Variants in UBE2K observed in about 807,000 individuals in gnomAD.
UBE2K encodes ubiquitin conjugating enzyme E2 K, also known as ubiquitin-conjugating enzyme E2 K.
A neutral mutation model predicts 30.0 loss-of-function variants in UBE2K; 6 were observed. That is an observed-to-expected ratio of 0.20 (90% CI 0.11 to 0.39). The LOEUF (loss-of-function observed/expected upper bound fraction) is 0.39. Among genes scored for constraint, UBE2K ranks in the 10% least tolerant of loss-of-function variants. The pLI is 1.00. For missense variants in UBE2K, 61 were observed against 241.6 expected (o/e 0.25, Z 4.96); for synonymous variants, 86 against 83.7 (o/e 1.03, Z -0.15).
intron 4 of UBE2K, among the ~76,000 whole-genome samples, chr4:39,773,494 A>C (rs571582109): frequency 6.6e-6 from 1 of 151,810 alleles, no homozygotes; most frequent in Non-Finnish European, 1.5e-5. Context: ...AGAAAAAAGA[A>C]AATATATTTG....
At chr4:39,772,597 C>T (rs976562389) in intron 4 of UBE2K, among the ~76,000 whole-genome samples, 1 of 151,572 alleles carries the variant, frequency 6.6e-6, no homozygotes, top group African/African-American at 2.4e-5. Flanking sequence ...GAAGAATGAT[C>T]TAATTTACAT....
intron 3 of UBE2K, among the ~76,000 whole-genome samples, chr4:39,754,013 C>T (rs931219258): frequency 2.0e-5 from 3 of 151,990 alleles, no homozygotes; most frequent in South Asian, 2.1e-4. Flanking sequence ...TGAGCGACAG[C>T]GCGAGACTCC....
At chr4:39,747,864 C>T (rs1331949836) in intron 3 of UBE2K, among the ~76,000 whole-genome samples, 5 of 150,846 alleles carry the variant, frequency 3.3e-5, no homozygotes, top group South Asian at 2.1e-4. Flanking sequence ...TACAGTGGCG[C>T]GGTCTCGGCT....
chr4:39,759,533 C>T (rs891144160), intron 4 of UBE2K, among the ~76,000 whole-genome samples: 2 of 152,196 alleles, frequency 1.3e-5, no homozygotes, highest in African/African-American at 2.4e-5. Flanking sequence ...ATCCACTGGC[C>T]TCGGCCTCCC....
At chr4:39,759,419 T>C (rs1711735345) in intron 4 of UBE2K, among the ~76,000 whole-genome samples, 1 of 152,042 alleles carries the variant, frequency 6.6e-6, no homozygotes, top group Non-Finnish European at 1.5e-5. Flanking sequence ...TGGGATTACA[T>C]TACAGGCATG....
At chr4:39,770,939 G>A in intron 4 of UBE2K, 1 of 1,571,388 alleles carries the variant, frequency 6.4e-7, no homozygotes. Context: ...GTGGGGGGTG[G>A]GGGCTTCGGG....
intron 1 of UBE2K, among the ~76,000 whole-genome samples, chr4:39,712,724 T>A (rs2109314043): frequency 6.6e-6 from 1 of 152,020 alleles, no homozygotes. Flanking sequence ...TCGGCCTACA[T>A]TTTTAAGACT....
At chr4:39,775,822 A>G (rs1713252817) in intron 5 of UBE2K, among the ~76,000 whole-genome samples, 1 of 152,104 alleles carries the variant, frequency 6.6e-6, no homozygotes, top group South Asian at 2.1e-4. Context: ...TTAAACTTAG[A>G]AAGTTTTTCT....
At chr4:39,731,787 T>C (rs1560354474) in intron 1 of UBE2K, among the ~76,000 whole-genome samples, 1 of 152,230 alleles carries the variant, frequency 6.6e-6, no homozygotes, top group Non-Finnish European at 1.5e-5. Context: ...GTTAAGCTTT[T>C]AAAGTATTAT....
chr4:39,770,633 C>T (rs893365139), intron 4 of UBE2K: 8 of 1,599,578 alleles, frequency 5.0e-6, no homozygotes, highest in South Asian at 3.4e-5. Context: ...CTGCGTTCTC[C>T]GACAGGCTAT....
Position 39,781,776 on chromosome 4 carries a change from G to A in UBE2K, c.*3342G>A. The A allele has an allele frequency of 2.5e-6, 1 of 395,034 alleles. No homozygotes were observed. Among genetic ancestry groups the A allele is most frequent in the Non-Finnish European group, 4.5e-6 (1 of 224,006 alleles). The allele number at this position is 395,034 out of a possible 1,614,324, so 24.5% of individuals were successfully genotyped here. A position where few individuals can be genotyped will look rare whatever the true frequency, so the allele number is the denominator to read the frequency against. On this transcript the variant is annotated 3_prime_UTR_variant, in exon 7 of 7. Coordinates refer to ENST00000261427, the MANE Select transcript of UBE2K (RefSeq NM_005339.5). Reference sequence around the variant, plus strand: ...TTTATTTCATGGACTTCTACAAAATGTTGTATTAATCACTTTTTCTAGTTC... The same window carrying A: ...TTTATTTCATGGACTTCTACAAAATATTGTATTAATCACTTTTTCTAGTTC...
chr4:39,714,553 T>A (rs1295461758), intron 1 of UBE2K: 2 of 92,524 alleles, frequency 2.2e-5, no homozygotes, highest in African/African-American at 4.7e-5. Context: ...TATATATATT[T>A]TTTTTTTTTT....
chr4:39,736,936 A>G (rs569876739), intron 1 of UBE2K, among the ~76,000 whole-genome samples: 16 of 152,350 alleles, frequency 1.1e-4, no homozygotes, highest in African/African-American at 3.8e-4. Flanking sequence ...CAGTTAAACT[A>G]AACATTTAAA....
chr4:39,733,906 A>C (rs1203438852), intron 1 of UBE2K, among the ~76,000 whole-genome samples: 1 of 152,094 alleles, frequency 6.6e-6, no homozygotes, highest in Non-Finnish European at 1.5e-5. Flanking sequence ...TTAAAGTAAG[A>C]CTTTAAGTTC....
intron 2 of UBE2K, among the ~76,000 whole-genome samples, chr4:39,739,888 C>T (rs955984351): frequency 6.6e-6 from 1 of 152,220 alleles, no homozygotes; most frequent in Non-Finnish European, 1.5e-5. Context: ...TGTGCCCAAC[C>T]TTGTACCAAT....
chr4:39,738,987 C>T (rs1578459254), intron 2 of UBE2K, among the ~76,000 whole-genome samples: 1 of 150,302 alleles, frequency 6.7e-6, no homozygotes, highest in African/African-American at 2.5e-5. Context: ...CAGCTAAATA[C>T]TTTCGAGTGG....
At chr4:39,714,550 A>ATATATATTTTTTTT in intron 1 of UBE2K, 2 of 17,854 alleles carry the variant, frequency 1.1e-4, no homozygotes, top group African/African-American at 4.9e-4. Flanking sequence ...ATATATATAT[A>ATATATATTTTTTTT]TTTTTTTTTT....
intron 1 of UBE2K, among the ~76,000 whole-genome samples, chr4:39,701,594 A>G (rs970012072): frequency 3.9e-5 from 6 of 152,126 alleles, no homozygotes; most frequent in African/African-American, 1.4e-4. Context: ...CCACGCTGTC[A>G]TGACTTGCTA....
intron 1 of UBE2K, among the ~76,000 whole-genome samples, chr4:39,724,009 C>T (rs112944006): frequency 0.017 from 2,530 of 151,956 alleles, 26 homozygotes; most frequent in Middle Eastern, 0.034. Flanking sequence ...GATGGGATTT[C>T]ACCATGTTGG....
Sources: gnomAD v4.1 joint callset for allele counts (sites outside exome capture counted in the v4.1 genomes callset) on GRCh38, gnomAD v4.1.1 for gene constraint, MANE v1.5 for transcripts, NCBI Gene and HGNC (gene_info 2026-07-23, HGNC 2026-07-21) for gene names.